The following DRC4 variants were observed in gnomAD, a reference collection of about 807,000 sequenced individuals.
The protein encoded by DRC4 is dynein regulatory complex subunit 4, also known as GAS-11.
the DRC4 span, among the ~76,000 whole-genome samples, chr16:90,028,248 G>A: frequency 2.2e-5 from 3 of 133,986 alleles, no homozygotes; most frequent in African/African-American, 8.5e-5. Flanking sequence ...GCAGTGGCGC[G>A]ATCTCGGCTC....
At chr16:90,028,677 A>G in the DRC4 span, among the ~76,000 whole-genome samples, 1 of 152,156 alleles carries the variant, frequency 6.6e-6, no homozygotes, top group Non-Finnish European at 1.5e-5. Context: ...AATTTTACCT[A>G]AAAGGCTCCT....
At chr16:90,031,410 A>G in the DRC4 span, 1 of 1,613,602 alleles carries the variant, frequency 6.2e-7, no homozygotes, top group Non-Finnish European at 8.5e-7. Flanking sequence ...GATCACACGG[A>G]GGCAGCTGGA....
At chr16:90,041,732 G>C in the DRC4 span, among the ~76,000 whole-genome samples, 1 of 152,160 alleles carries the variant, frequency 6.6e-6, no homozygotes, top group East Asian at 2.0e-4. Context: ...CTGGGAGGCG[G>C]AGGTTGCGGT....
chr16:90,023,000 C>T, the DRC4 span, among the ~76,000 whole-genome samples: 1 of 152,074 alleles, frequency 6.6e-6, no homozygotes, highest in Non-Finnish European at 1.5e-5. Flanking sequence ...GGGTCGGCGG[C>T]GCACGGTCCC....
chr16:90,038,711 C>G, the DRC4 span, among the ~76,000 whole-genome samples: 5 of 152,314 alleles, frequency 3.3e-5, no homozygotes, highest in Middle Eastern at 3.4e-3. Context: ...AGGTTTAAAC[C>G]TTTGCAGAAG....
At chr16:90,019,674 C>T in the DRC4 span, 1 of 532,764 alleles carries the variant, frequency 1.9e-6, no homozygotes, top group Non-Finnish European at 3.3e-6. The surrounding 1 kb of genome is among the most constrained non-coding windows in gnomAD (Gnocchi z 6.1). Flanking sequence ...ACCACCGGGA[C>T]CTGGCTGCGC....
chr16:90,023,591 G>GTTGCCAGCCTGGCAAC, the DRC4 span, among the ~76,000 whole-genome samples: 3 of 151,480 alleles, frequency 2.0e-5, no homozygotes, highest in South Asian at 2.1e-4. Context: ...AGCCTTCTTG[G>GTTGCCAGCCTGGCAAC]AGTGGAGGGA....
the DRC4 span, among the ~76,000 whole-genome samples, chr16:90,042,732 G>C: frequency 2.0e-5 from 3 of 152,182 alleles, 1 homozygote; most frequent in South Asian, 6.2e-4. Context: ...GTGCACTGCT[G>C]TCTAGGCCAT....
At chr16:90,021,161 A>G in the DRC4 span, among the ~76,000 whole-genome samples, 1 of 152,198 alleles carries the variant, frequency 6.6e-6, no homozygotes, top group Non-Finnish European at 1.5e-5. Flanking sequence ...TCCAAGAACA[A>G]TCAGGACTTA....
At chr16:90,027,773 C>T in the DRC4 span, 1 of 1,539,964 alleles carries the variant, frequency 6.5e-7, no homozygotes, top group Admixed American at 1.7e-5. Context: ...GGGCGGGCAC[C>T]ACGCAGGGTG....
chr16:90,042,899 C>T, the DRC4 span: 23 of 509,734 alleles, frequency 4.5e-5, no homozygotes, highest in Non-Finnish European at 7.4e-5. Context: ...GTGGGAAACA[C>T]CCAGCCAGGG....
At chr16:90,029,034 A>G in the DRC4 span, 1 of 1,305,430 alleles carries the variant, frequency 7.7e-7, no homozygotes, top group Non-Finnish European at 1.0e-6. Context: ...TGGATGGAGA[A>G]TGGATTGAAC....
the DRC4 span, chr16:90,044,207 A>G: frequency 2.2e-6 from 1 of 453,222 alleles, no homozygotes; most frequent in East Asian, 6.9e-5. Context: ...AGGCCCAGAG[A>G]GCTGGAGTTG....
chr16:90,027,636 G>A, the DRC4 span: 3 of 1,614,006 alleles, frequency 1.9e-6, no homozygotes, highest in Non-Finnish European at 2.5e-6. Flanking sequence ...TCCACCAAAG[G>A]CACCGAAAAA....
At chr16:90,036,357 C>T in the DRC4 span, 1 of 1,580,658 alleles carries the variant, frequency 6.3e-7, no homozygotes, top group Non-Finnish European at 8.6e-7. Context: ...CTCTGCTAAG[C>T]TGCTGTTTGC....
At chr16:90,028,173 A>ATTTTTT in the DRC4 span, among the ~76,000 whole-genome samples, 2,019 of 63,840 alleles carry the variant, frequency 0.032, 454 homozygotes, top group Middle Eastern at 0.05. Context: ...TTAATCGTTC[A>ATTTTTT]TTTTTTTTTT....
chr16:90,022,794 G>A, the DRC4 span: 1 of 1,260,630 alleles, frequency 7.9e-7, no homozygotes, highest in Non-Finnish European at 1.0e-6. Flanking sequence ...GGGAGGCCTC[G>A]GTACACGGAG....
At chr16:90,025,319 C>T in the DRC4 span, among the ~76,000 whole-genome samples, 1 of 150,912 alleles carries the variant, frequency 6.6e-6, no homozygotes, top group Non-Finnish European at 1.5e-5. Context: ...GTGCCTGGCT[C>T]CACCTAATGT....
chr16:90,027,089 CTT>C, the DRC4 span, among the ~76,000 whole-genome samples: 9 of 133,554 alleles, frequency 6.7e-5, no homozygotes, highest in Admixed American at 2.3e-4. Context: ...GGTTTCCTCT[CTT>C]TTTTTTTTTT....
Sources: allele counts gnomAD v4.1 joint callset (sites outside exome capture counted in the v4.1 genomes callset), GRCh38; gene constraint gnomAD v4.1.1; non-coding constraint Gnocchi (gnomAD v3.1); transcripts MANE v1.5; gene names NCBI Gene and HGNC (gene_info 2026-07-23, HGNC 2026-07-21).